The following TNRC18 variants were observed in gnomAD, a reference collection of about 807,000 sequenced individuals.
The protein encoded by TNRC18 is trinucleotide repeat containing 18, also known as trinucleotide repeat-containing gene 18 protein.
A neutral mutation model predicts 226.7 loss-of-function variants in TNRC18; 69 were observed. The ratio of observed to expected loss-of-function variants is 0.30; its 90% confidence interval spans 0.25 to 0.37. The LOEUF is 0.37. Among genes scored for constraint, TNRC18 ranks in the 10% least tolerant of loss-of-function variants. The probability of loss-of-function intolerance (pLI) is 1.00; values close to 1 mark genes in which losing one functional copy is unlikely to be tolerated. For synonymous variants in TNRC18, 2,449 were observed against 1,927.6 expected (o/e 1.27, Z -7.09); for missense variants, 4,754 against 4,256.6 (o/e 1.12, Z -3.25).
In TNRC18 at chr7:5,320,804, G is replaced by A. The variant is rs1379994040; in HGVS notation, c.6561-197C>T. 34 of 624,216 alleles carry A rather than the reference G, an allele frequency of 5.4e-5. No homozygotes were observed. The East Asian group carries it at 8.5e-4, about 16-fold the overall frequency. 38.7% of individuals were successfully genotyped at this position (624,216 alleles called of 1,614,324 possible). On this transcript the variant is annotated intron_variant, in intron 22 of 29. Coordinates refer to ENST00000430969, the MANE Select transcript of TNRC18 (RefSeq NM_001080495.3). The stretch of plus-strand genomic sequence containing the variant: ...CATCTGTAGGACTAGGGGTTGCAAG[G>A]CACAGTCCAGATCCTGAGAGAGGCC...
chr7:5,341,398 G>A (rs55825700), intron 18 of TNRC18, among the ~76,000 whole-genome samples: 20,850 of 129,016 alleles, frequency 0.16, 1,669 homozygotes, highest in African/African-American at 0.19. Context: ...CAGCCTGGGC[G>A]ACAAAGCAAG....
At chr7:5,341,782 A>C (rs1790714132) in intron 18 of TNRC18, among the ~76,000 whole-genome samples, 1 of 148,076 alleles carries the variant, frequency 6.8e-6, no homozygotes, top group African/African-American at 2.5e-5. Context: ...AAAAAAAAAA[A>C]AGGGAATAAC....
rs1475193209 is a variant in TNRC18 at position 5,377,378 on chromosome 7, G to T, written c.2454C>A (p.His818Gln). ...CCTGTGCCCCACACTCACCGTAGGG[G>T]TGTCCAGCGAGCCACATGGATGCGT... is the stretch of plus-strand genomic sequence containing the variant. ...SGNASMWLAGHPYGLGPPSLH... is the reference protein window; with the variant it reads ...SGNASMWLAGQPYGLGPPSLH... Residue 818 changes from histidine (H) to glutamine (Q), a missense_variant, in exon 7 of 30, where the codon CAC (histidine) becomes CAA (glutamine). His to Gln is a conservative substitution (Grantham distance 24). Coordinates refer to ENST00000430969, the MANE Select transcript of TNRC18 (RefSeq NM_001080495.3). The surrounding 1 kb of genome is among the most constrained non-coding windows in gnomAD (Gnocchi z 5.8). 8 of 1,582,150 alleles carry T rather than the reference G, an allele frequency of 5.1e-6. No individual in the cohort carries two copies. The highest frequency in any genetic ancestry group is 1.8e-5 in the Admixed American group (1 of 56,348).
intron 16 of TNRC18, among the ~76,000 whole-genome samples, chr7:5,352,370 AC>A: frequency 6.6e-6 from 1 of 151,016 alleles, no homozygotes; most frequent in East Asian, 2.0e-4. Context: ...AGCCTCACCC[AC>A]CAGTCACTCC....
rs201511596 is a variant in TNRC18, at chr7:5,308,311, C to T, written c.8702G>A (p.Arg2901His). ...CACATGCGAGGACTGGTATAGCGCG[C>T]GCTGCGGGCACGCGGGGATATCAGG... ...VSSQRKDFME[R>H]ALYQSSHVDE... Residue 2901 changes from arginine (R) to histidine (H), a missense_variant and splice_region_variant, in exon 30 of 30, where the codon CGC becomes CAC. By Grantham distance (29) the Arg-to-His change is conservative. Transcript: ENST00000430969. 1.1e-4 allele frequency: 177 copies of T among 1,610,140 alleles called. No individual in the cohort carries two copies. Among genetic ancestry groups the T allele is most frequent in the African/African-American group, 1.5e-4 (11 of 74,824 alleles).
At chr7:5,356,887 C>G in intron 16 of TNRC18, 29 bp downstream of exon 16, 3 of 1,500,248 alleles carry the variant, frequency 2.0e-6, no homozygotes, top group African/African-American at 1.4e-5. Flanking sequence ...AAGCAGCGGA[C>G]CAGAGGTGGC....
At chr7:5,336,834 G>C (rs537523985) in intron 18 of TNRC18, among the ~76,000 whole-genome samples, 9 of 152,316 alleles carry the variant, frequency 5.9e-5, no homozygotes, top group South Asian at 2.1e-4. Flanking sequence ...ATATGATTAA[G>C]AGAAAAGTAA....
chr7:5,322,329 T>C (rs1788466720), intron 21 of TNRC18, among the ~76,000 whole-genome samples: 1 of 151,600 alleles, frequency 6.6e-6, no homozygotes, highest in Non-Finnish European at 1.5e-5. Context: ...GACAAGGTCT[T>C]GCTTTGTCAT....
chr7:5,421,764 G>C (rs1475746282), intron 1 of TNRC18, among the ~76,000 whole-genome samples: 1 of 152,194 alleles, frequency 6.6e-6, no homozygotes, highest in Non-Finnish European at 1.5e-5. Flanking sequence ...CTGCCTCGGC[G>C]GCTGCCGGGT....
At chr7:5,361,302 G>A (rs1793017592) in intron 14 of TNRC18, among the ~76,000 whole-genome samples, 1 of 152,204 alleles carries the variant, frequency 6.6e-6, no homozygotes, top group Admixed American at 6.5e-5. Flanking sequence ...GAAAAGAGGA[G>A]GAATTAGGCC....
At position 5,352,074 on chromosome 7, in the gene TNRC18, C is replaced by T. The variant is rs377686609; in HGVS notation, c.5215G>A (p.Glu1739Lys). ...YSYNTDSEED[E>K]EFLKDEWPAQ... ...GGCCACTCGTCCTTCAGGAATTCTTCGTCTTCCTCTGAGTCCGTATCTGCA... is the reference window on the plus strand; with the variant it reads ...GGCCACTCGTCCTTCAGGAATTCTTTGTCTTCCTCTGAGTCCGTATCTGCA... Residue 1739 changes from glutamate to lysine, a missense_variant, in exon 17 of 30, where the codon GAA (glutamate) becomes AAA (lysine). By Grantham distance (56) the Glu-to-Lys change is moderately conservative. Coordinates refer to ENST00000430969, the MANE Select transcript of TNRC18 (RefSeq NM_001080495.3). 4.4e-6 allele frequency: 7 copies of T among 1,609,090 alleles called. No homozygotes were observed. The African/African-American group carries it at 8.0e-5, about 18-fold the overall frequency.
intron 19 of TNRC18, among the ~76,000 whole-genome samples, chr7:5,326,023 C>G (rs1221212841): frequency 6.6e-6 from 1 of 151,946 alleles, no homozygotes; most frequent in Non-Finnish European, 1.5e-5. Context: ...CTGTTTTTAA[C>G]GTGTATTATC....
intron 2 of TNRC18, among the ~76,000 whole-genome samples, chr7:5,395,076 G>C (rs1488137664): frequency 6.6e-6 from 1 of 152,236 alleles, no homozygotes; most frequent in East Asian, 1.9e-4. Flanking sequence ...TCCAGCCAGA[G>C]AATCACCTCC....
rs1212758148 is a variant in TNRC18, at chr7:5,388,208, G to A, written c.1616C>T (p.Ala539Val). 1.9e-6 allele frequency: 3 copies of A among 1,597,662 alleles called. No homozygotes were observed. The highest frequency in any genetic ancestry group is 1.3e-5 in the African/African-American group (1 of 74,552). The change falls in exon 5 of 30, where the codon GCC becomes GTC. Residue 539 changes from alanine to valine, a missense_variant. Physicochemically the swap from Ala to Val is moderately conservative, Grantham distance 64. Transcript: ENST00000430969. ...QHHHSRAEEE[A>V]AVVAASSSKK... is the part of the protein sequence containing the mutation. ...GGAGGAGGAGGCAGCGACCACGGCG[G>A]CCTCCTCTTCGGCGCGGCTGTGGTG... is the stretch of plus-strand genomic sequence containing the variant.
chr7:5,357,162 C>T lies in TNRC18; in HGVS notation c.4948G>A (p.Asp1650Asn), dbSNP rs1792520622. ...GTTTTCGATTTCCCCCCAGCACTGTCCGAAAACTTGAAGGGCGACTTCAAC... is the reference window on the plus strand; with the variant it reads ...GTTTTCGATTTCCCCCCAGCACTGTTCGAAAACTTGAAGGGCGACTTCAAC... ...DKLKSPFKFS[D>N]SAGGKSKTSG... Residue 1650 changes from aspartate to asparagine, a missense_variant, in exon 16 of 30, where the codon GAC (aspartate) becomes AAC (asparagine). By Grantham distance (23) the Asp-to-Asn change is conservative. Coordinates refer to ENST00000430969, the MANE Select transcript of TNRC18 (RefSeq NM_001080495.3). The T allele has an allele frequency of 1.9e-6, 3 of 1,593,122 alleles. No individual in the cohort carries two copies. The highest frequency in any genetic ancestry group is 1.8e-5 in the Admixed American group (1 of 55,960).
At position 5,362,149 on chromosome 7, in the gene TNRC18, G is replaced by C. The variant is rs576458897; in HGVS notation, c.4396-116C>G. ...GAGACTGCACTGGGAGCTGGGGCTC[G>C]AGTCCCACCGCTGCCACCTCCTGAC... On this transcript the variant is annotated intron_variant, in intron 12 of 29. Transcript: ENST00000430969. 5 of 1,274,450 alleles carry C rather than the reference G, an allele frequency of 3.9e-6. No individual in the cohort carries two copies. In the African/African-American group the frequency reaches 7.5e-5, roughly 19 times the overall value. The allele number at this position is 1,274,450 out of a possible 1,614,324, so 78.9% of individuals were successfully genotyped here. A position where few individuals can be genotyped will look rare whatever the true frequency, so the allele number is the denominator to read the frequency against.
intron 2 of TNRC18, among the ~76,000 whole-genome samples, chr7:5,415,952 CA>C (rs112566834): frequency 0.43 from 60,848 of 140,878 alleles, 13,619 homozygotes; most frequent in African/African-American, 0.59. Context: ...ATTAAAAATA[CA>C]AAAAAAAAAA....
chr7:5,345,528 C>CCCCCCCCCCCCCA, intron 18 of TNRC18, 34 bp downstream of exon 18: 1 of 534,162 alleles, frequency 1.9e-6, no homozygotes, highest in Non-Finnish European at 2.7e-6. Flanking sequence ...CCCCTCCCAC[C>CCCCCCCCCCCCCA]CACCCCCACC....
At chr7:5,409,263 G>C (rs889808500) in intron 2 of TNRC18, among the ~76,000 whole-genome samples, 4 of 151,774 alleles carry the variant, frequency 2.6e-5, no homozygotes, top group Admixed American at 6.6e-5. Flanking sequence ...CAAAGACAAT[G>C]CATGAAAGAA....
Sources: gnomAD v4.1 joint callset for allele counts (sites outside exome capture counted in the v4.1 genomes callset) on GRCh38, gnomAD v4.1.1 for gene constraint, Gnocchi (gnomAD v3.1) non-coding constraint, MANE v1.5 for transcripts, NCBI Gene and HGNC (gene_info 2026-07-23, HGNC 2026-07-21) for gene names.